The following CBLB variants were observed in gnomAD, a reference collection of about 807,000 sequenced individuals.
CBLB encodes E3 ubiquitin-protein ligase CBL-B.
In CBLB, 31 loss-of-function variants were observed where a neutral mutation model predicts 104.9. The ratio of observed to expected loss-of-function variants is 0.30; its 90% confidence interval spans 0.22 to 0.40. CBLB has a LOEUF of 0.40. CBLB is among the 10% of genes least tolerant of loss of function. The pLI, the probability that CBLB is intolerant of heterozygous loss-of-function variation, is 1.00. For synonymous variants in CBLB, 440 were observed against 422.6 expected (o/e 1.04, Z -0.51); for missense variants, 1,062 against 1,214.6 (o/e 0.87, Z 1.87).
chr3:105,812,934 G>T lies in CBLB; in HGVS notation c.420-36392C>A, dbSNP rs560687096. On this transcript the variant is annotated intron_variant, in intron 3 of 18. Transcript: ENST00000394030. ...ATAGTCTATCAATTTTCTTATCTAG[G>T]AAATGTAAATAAAATCATCCTCAGC... Among the ~76,000 whole-genome samples, 7 of 152,032 alleles carry T rather than the reference G, an allele frequency of 4.6e-5. No individual in the cohort carries two copies. The South Asian group carries it at 1.0e-3, about 23-fold the overall frequency.
intron 18 of CBLB, among the ~76,000 whole-genome samples, chr3:105,665,524 T>A (rs2064339951): frequency 6.9e-6 from 1 of 145,630 alleles, no homozygotes; most frequent in African/African-American, 2.5e-5. Flanking sequence ...TTATATCTAT[T>A]TCTATATTAC....
intron 3 of CBLB, among the ~76,000 whole-genome samples, chr3:105,841,210 C>T (rs13100172): frequency 0.67 from 99,458 of 149,432 alleles, 34,282 homozygotes; most frequent in Middle Eastern, 0.8. Flanking sequence ...GCAGAAGAAT[C>T]GCTTGAACCT....
In CBLB at chr3:105,836,388, T is replaced by C. The variant is rs775079047; in HGVS notation, c.419+17026A>G. On this transcript the variant is annotated intron_variant, in intron 3 of 18. Coordinates refer to ENST00000394030, the MANE Select transcript of CBLB (RefSeq NM_170662.5). ...GGGAGTGTCCTCAATCTTGCTATAATAAATAAAAATTAAATTTAATTGTGT... is the reference window on the plus strand; with the variant it reads ...GGGAGTGTCCTCAATCTTGCTATAACAAATAAAAATTAAATTTAATTGTGT... Among the ~76,000 whole-genome samples, 114 of 152,148 alleles carry C rather than the reference T, an allele frequency of 7.5e-4. 1 individual carries two copies. Among genetic ancestry groups the C allele is most frequent in the Non-Finnish European group, 2.5e-4 (17 of 68,026 alleles).
intron 9 of CBLB, 99 bp downstream of exon 9, chr3:105,733,910 A>T (rs1226905320): frequency 7.4e-6 from 8 of 1,086,506 alleles, no homozygotes; most frequent in Non-Finnish European, 1.1e-5. Flanking sequence ...TTTCAAACAA[A>T]GCACTTACCA....
At chr3:105,732,639 CA>C (rs2074436592) in intron 9 of CBLB, among the ~76,000 whole-genome samples, 1 of 152,038 alleles carries the variant, frequency 6.6e-6, no homozygotes, top group African/African-American at 2.4e-5. Context: ...AAAATATTCA[CA>C]AAAGAAGAAG....
intron 4 of CBLB, among the ~76,000 whole-genome samples, chr3:105,757,255 T>C (rs2077165766): frequency 1.3e-5 from 2 of 152,178 alleles, no homozygotes; most frequent in Admixed American, 1.3e-4. Context: ...AATAGGTTAA[T>C]TGTGGTACAG....
intron 4 of CBLB, among the ~76,000 whole-genome samples, chr3:105,774,231 A>C (rs1167568260): frequency 6.6e-6 from 1 of 152,206 alleles, no homozygotes; most frequent in East Asian, 1.9e-4. Flanking sequence ...ATGCTCCCAC[A>C]GGAGAACTAA....
chr3:105,690,220 G>A (rs1308234858), intron 13 of CBLB, among the ~76,000 whole-genome samples: 1 of 152,148 alleles, frequency 6.6e-6, no homozygotes, highest in East Asian at 1.9e-4. Context: ...ATGTTTGGTA[G>A]GAATGCGTAA....
At chr3:105,725,056 C>T (rs534318145) in intron 9 of CBLB, among the ~76,000 whole-genome samples, 1 of 152,186 alleles carries the variant, frequency 6.6e-6, no homozygotes, top group African/African-American at 2.4e-5. Context: ...TAGCCGGTTG[C>T]TACTACTGAT....
rs769561765 is a variant in CBLB, at chr3:105,776,557, G to GA, written c.420-16dup. Reference sequence around the variant, plus strand: ...TGAGATTTCGTCTGTAGGCACAAGGGAAAAAAATGAAGATAAGAAATAAAC... The same window carrying GA: ...TGAGATTTCGTCTGTAGGCACAAGGGAAAAAAAATGAAGATAAGAAATAAAC... On this transcript the variant is annotated splice_polypyrimidine_tract_variant and intron_variant, in intron 3 of 18. Transcript: ENST00000394030. 7.5e-6 allele frequency: 12 copies of GA among 1,610,138 alleles called. No individual in the cohort carries two copies. The highest frequency in any genetic ancestry group is 5.5e-5 in the South Asian group (5 of 90,956).
At chr3:105,821,293 A>T (rs899207102) in intron 3 of CBLB, among the ~76,000 whole-genome samples, 1 of 93,666 alleles carries the variant, frequency 1.1e-5, no homozygotes, top group Non-Finnish European at 2.4e-5. Flanking sequence ...TCTATCTATC[A>T]CCTACTATTC....
At chr3:105,765,080 T>A (rs1057512928) in intron 4 of CBLB, among the ~76,000 whole-genome samples, 1 of 152,196 alleles carries the variant, frequency 6.6e-6, no homozygotes, top group Non-Finnish European at 1.5e-5. Context: ...AGTGCTGATG[T>A]AGAAGCAACA....
intron 3 of CBLB, among the ~76,000 whole-genome samples, chr3:105,807,767 C>A (rs1373029134): frequency 2.6e-5 from 4 of 152,126 alleles, no homozygotes; most frequent in Non-Finnish European, 5.9e-5. Context: ...GGAATAACTT[C>A]TTTTGAAGTA....
At chr3:105,819,583 TTTG>T (rs1331708620) in intron 3 of CBLB, among the ~76,000 whole-genome samples, 2 of 152,194 alleles carry the variant, frequency 1.3e-5, no homozygotes, top group Non-Finnish European at 2.9e-5. Flanking sequence ...CAAGTAGTAT[TTTG>T]TTGTTTTGTT....
chr3:105,854,780 C>T (rs1483845371), intron 2 of CBLB, among the ~76,000 whole-genome samples: 2 of 151,954 alleles, frequency 1.3e-5, no homozygotes, highest in Non-Finnish European at 2.9e-5. Context: ...TTACAGGTGC[C>T]TGCCACCGCA....
At chr3:105,682,520 T>C (rs968248568) in intron 14 of CBLB, among the ~76,000 whole-genome samples, 4 of 152,068 alleles carry the variant, frequency 2.6e-5, no homozygotes, top group African/African-American at 9.7e-5. Context: ...GCTTTTTTTG[T>C]TTTGTTGTGT....
intron 3 of CBLB, 95 bp from the exon 4 acceptor site, chr3:105,776,637 G>T: frequency 8.6e-7 from 1 of 1,161,840 alleles, no homozygotes; most frequent in Non-Finnish European, 1.3e-6. Flanking sequence ...ACAATGTTAT[G>T]TATGTATCAA....
chr3:105,682,048 A>C, intron 14 of CBLB: 1 of 500,856 alleles, frequency 2.0e-6, no homozygotes, highest in Non-Finnish European at 3.6e-6. Context: ...ATAACCAAGA[A>C]TTACAAGGGC....
At chr3:105,680,924 G>A (rs1159664155) in intron 16 of CBLB, 1 of 158,874 alleles carries the variant, frequency 6.3e-6, no homozygotes, top group Non-Finnish European at 1.4e-5. Context: ...ACCTTCACCT[G>A]TGGATACAAA....
Sources: gnomAD v4.1 joint callset for allele counts (sites outside exome capture counted in the v4.1 genomes callset) on GRCh38, gnomAD v4.1.1 for gene constraint, MANE v1.5 for transcripts, NCBI Gene and HGNC (gene_info 2026-07-23, HGNC 2026-07-21) for gene names.